The following FBXO36 variants were observed in gnomAD, a reference collection of about 807,000 sequenced individuals.
The protein encoded by FBXO36 is F-box only protein 36.
Under a neutral mutation model 17.0 loss-of-function variants are expected in FBXO36, and 18 were observed. The ratio of observed to expected loss-of-function variants is 1.06; its 90% CI spans 0.73 to 1.57. The LOEUF (loss-of-function observed/expected upper bound fraction) is 1.57. Ranked by LOEUF, FBXO36 falls within the 40% of genes most tolerant of loss-of-function variation. The pLI is 0.00. For synonymous variants in FBXO36, 83 were observed against 85.3 expected (o/e 0.97, Z 0.15); for missense variants, 229 against 221.9 (o/e 1.03, Z -0.20).
intron 1 of FBXO36, among the ~76,000 whole-genome samples, chr2:229,944,623 C>T (rs555662144): frequency 3.3e-4 from 47 of 140,632 alleles, no homozygotes; most frequent in Middle Eastern, 4.1e-3. Context: ...GACGGAGTCA[C>T]GCTCTGTCGC....
chr2:229,992,295 T>G (rs1297774633), intron 2 of FBXO36, among the ~76,000 whole-genome samples: 2 of 151,988 alleles, frequency 1.3e-5, no homozygotes, highest in African/African-American at 4.8e-5. Flanking sequence ...GTAACTGGGA[T>G]TACAGGTGCC....
At chr2:229,949,786 G>A (rs538370761) in intron 1 of FBXO36, among the ~76,000 whole-genome samples, 178 of 152,178 alleles carry the variant, frequency 1.2e-3, no homozygotes, top group Non-Finnish European at 2.1e-3. Flanking sequence ...TTAGCCGGGC[G>A]TGGTGGCGGG....
At chr2:229,976,515 C>A (rs1266651193) in intron 2 of FBXO36, 166 bp downstream of exon 2, 1 of 584,764 alleles carries the variant, frequency 1.7e-6, no homozygotes, top group Non-Finnish European at 3.0e-6. Flanking sequence ...TTGTTTTTTT[C>A]TCTTGGAAAA....
intron 1 of FBXO36, among the ~76,000 whole-genome samples, chr2:229,963,394 TA>T (rs2077134251): frequency 6.6e-6 from 1 of 150,902 alleles, no homozygotes; most frequent in African/African-American, 2.4e-5. Flanking sequence ...CTTTTGCCAG[TA>T]ATACCTCAAT....
chr2:229,986,836 A>G (rs2077270990), intron 2 of FBXO36, among the ~76,000 whole-genome samples: 1 of 151,982 alleles, frequency 6.6e-6, no homozygotes, highest in African/African-American at 2.4e-5. Flanking sequence ...CACCCGGCCA[A>G]AAAGAAGAAT....
intron 1 of FBXO36, among the ~76,000 whole-genome samples, chr2:229,945,496 G>A (rs189409758): frequency 1.1e-4 from 17 of 151,906 alleles, no homozygotes; most frequent in African/African-American, 3.4e-4. Flanking sequence ...TGATAGAGAC[G>A]CATTTCACCA....
At chr2:229,954,818 A>T (rs1260982620) in intron 1 of FBXO36, among the ~76,000 whole-genome samples, 16 of 149,952 alleles carry the variant, frequency 1.1e-4, no homozygotes, top group Non-Finnish European at 8.9e-5. Flanking sequence ...AAGTGCTGGG[A>T]TTACAGGCGT....
At chr2:229,952,795 G>C (rs913465151) in intron 1 of FBXO36, among the ~76,000 whole-genome samples, 1 of 152,144 alleles carries the variant, frequency 6.6e-6, no homozygotes, top group Admixed American at 6.6e-5. Flanking sequence ...CTGCAGCCTT[G>C]AGCTGTGCAA....
intron 1 of FBXO36, among the ~76,000 whole-genome samples, chr2:229,955,051 C>T (rs1379982513): frequency 6.6e-6 from 1 of 152,032 alleles, no homozygotes; most frequent in Non-Finnish European, 1.5e-5. Flanking sequence ...GGGGTTTCAC[C>T]CTGTTGGTCA....
chr2:229,937,263 G>A (rs898066818), intron 1 of FBXO36, among the ~76,000 whole-genome samples: 6 of 152,114 alleles, frequency 3.9e-5, no homozygotes, highest in African/African-American at 1.2e-4. Flanking sequence ...AGGAGGCTGA[G>A]GCGGGCAGAT....
chr2:229,949,488 AGAG>A (rs2077043719), intron 1 of FBXO36, among the ~76,000 whole-genome samples: 1 of 152,110 alleles, frequency 6.6e-6, no homozygotes, highest in South Asian at 2.1e-4. Flanking sequence ...AAGTATAAGA[AGAG>A]ATTATAGACA....
chr2:229,990,966 G>T (rs781611597), intron 2 of FBXO36, among the ~76,000 whole-genome samples: 2 of 151,372 alleles, frequency 1.3e-5, no homozygotes, highest in Non-Finnish European at 2.9e-5. Context: ...CCCCGAGTTG[G>T]GAGTCTCACT....
Position 230,010,908 on chromosome 2 carries a change from G to C in FBXO36, c.*24G>C. The C allele has an allele frequency of 6.3e-7, 1 of 1,581,796 alleles. No individual in the cohort carries two copies. Among genetic ancestry groups the C allele is most frequent in the South Asian group, 1.1e-5 (1 of 87,132 alleles). On this transcript the variant is annotated 3_prime_UTR_variant, in exon 4 of 4. Coordinates refer to ENST00000283946, the MANE Select transcript of FBXO36 (RefSeq NM_174899.5). Reference sequence around the variant, plus strand: ...AGGCACACATTTTCCTACCAGCAGGGAGCTCAGGCATGGCTGTGTTTCTCT... The same window carrying C: ...AGGCACACATTTTCCTACCAGCAGGCAGCTCAGGCATGGCTGTGTTTCTCT...
At chr2:230,001,021 G>A (rs865928256) in intron 3 of FBXO36, among the ~76,000 whole-genome samples, 14 of 151,680 alleles carry the variant, frequency 9.2e-5, no homozygotes, top group Middle Eastern at 3.4e-3. Flanking sequence ...ACCATGCCTG[G>A]CTAATTTTTG....
intron 1 of FBXO36, among the ~76,000 whole-genome samples, chr2:229,951,990 GA>G (rs1258420961): frequency 3.3e-5 from 5 of 151,454 alleles, no homozygotes; most frequent in Non-Finnish European, 7.4e-5. Flanking sequence ...ATAACTTGGT[GA>G]AAAAAAAATT....
chr2:229,950,656 G>C (rs952028817), intron 1 of FBXO36, among the ~76,000 whole-genome samples: 3 of 152,050 alleles, frequency 2.0e-5, no homozygotes, highest in Non-Finnish European at 4.4e-5. Context: ...CTCCCACTGA[G>C]CAATGGCCGA....
Position 230,010,972 on chromosome 2 carries a change from C to A in FBXO36, c.*88C>A. The A allele has an allele frequency of 7.3e-7, 1 of 1,372,920 alleles. No homozygotes were observed. Among genetic ancestry groups the A allele is most frequent in the Non-Finnish European group, 9.8e-7 (1 of 1,022,846 alleles). The allele number at this position is 1,372,920 out of a possible 1,614,324, so 85.0% of individuals were successfully genotyped here. ...CTCTTCTGTCTCCTTTTCTTAAGAA[C>A]TAAGAGGTTTTGTTGATGCGTGGAG... is the stretch of plus-strand genomic sequence containing the variant. On this transcript the variant is annotated 3_prime_UTR_variant, in exon 4 of 4. Coordinates refer to ENST00000283946, the MANE Select transcript of FBXO36 (RefSeq NM_174899.5).
At chr2:229,959,284 G>T (rs1467132945) in intron 1 of FBXO36, among the ~76,000 whole-genome samples, 1 of 152,132 alleles carries the variant, frequency 6.6e-6, no homozygotes, top group Non-Finnish European at 1.5e-5. Flanking sequence ...CTCCCAAAGT[G>T]CTGGGATTAC....
chr2:229,963,416 A>G (rs1560442420), intron 1 of FBXO36, among the ~76,000 whole-genome samples: 1 of 142,006 alleles, frequency 7.0e-6, no homozygotes, highest in Non-Finnish European at 1.5e-5. Flanking sequence ...GAAGAAACTT[A>G]TACATGTATC....
Sources: allele counts gnomAD v4.1 joint callset (sites outside exome capture counted in the v4.1 genomes callset), GRCh38; gene constraint gnomAD v4.1.1; transcripts MANE v1.5; gene names NCBI Gene and HGNC (gene_info 2026-07-23, HGNC 2026-07-21).